The following GLI3 variants were observed in gnomAD, a reference collection of about 807,000 sequenced individuals.
The protein encoded by GLI3 is GLI family zinc finger 3, also known as transcription activator GLI3.
GLI3 carries 20 observed loss-of-function variants against 100.8 expected under a neutral mutation model. The observed-to-expected ratio is 0.20, with a 90% CI of 0.14 to 0.29. The LOEUF is 0.29. Ranked by LOEUF, GLI3 falls within the 10% of genes least tolerant of loss-of-function variation. The pLI is 1.00. For synonymous variants in GLI3, 938 were observed against 860.5 expected, an observed-to-expected ratio of 1.09 and a Z score of -1.58; for missense variants, 2,040 against 2,128.5, an observed-to-expected ratio of 0.96 and a Z score of 0.82.
At chr7:42,067,583 T>G (rs1289606637) in intron 4 of GLI3, among the ~76,000 whole-genome samples, 3 of 152,150 alleles carry the variant, frequency 2.0e-5, no homozygotes, top group Non-Finnish European at 4.4e-5. Flanking sequence ...GTGTAACTTG[T>G]TCCCAGGTTT....
At chr7:42,082,844 G>A (rs1442386671) in intron 3 of GLI3, among the ~76,000 whole-genome samples, 2 of 152,034 alleles carry the variant, frequency 1.3e-5, no homozygotes, top group African/African-American at 4.8e-5. Context: ...TGCTATAGGA[G>A]GAAACTGCAA....
intron 2 of GLI3, among the ~76,000 whole-genome samples, chr7:42,212,719 T>C (rs1788294688): frequency 6.6e-6 from 1 of 152,200 alleles, no homozygotes; most frequent in Non-Finnish European, 1.5e-5. Flanking sequence ...ATCAGTGACA[T>C]CATTAGCGCC....
At chr7:42,063,536 C>A (rs1412107706) in intron 4 of GLI3, among the ~76,000 whole-genome samples, 1 of 152,098 alleles carries the variant, frequency 6.6e-6, no homozygotes, top group Non-Finnish European at 1.5e-5. Flanking sequence ...TTAAAAGATA[C>A]CTGGAACTTC....
rs2128702746 is a variant in GLI3, at chr7:42,223,300, A to G, written c.-42-5T>C. 6.4e-7 allele frequency: 1 copy of G among 1,570,502 alleles called. No homozygotes were observed. Among genetic ancestry groups the G allele is most frequent in the East Asian group, 2.2e-5 (1 of 44,512 alleles). ...CTCTCTTCGACCAAAAATGCCCTAAAGAAAACAACAGAGCCATCAACTTTC... is the reference window on the plus strand; with the variant it reads ...CTCTCTTCGACCAAAAATGCCCTAAGGAAAACAACAGAGCCATCAACTTTC... On this transcript the variant is annotated splice_polypyrimidine_tract_variant and splice_region_variant and intron_variant, in intron 1 of 14. Coordinates refer to ENST00000395925, the MANE Select transcript of GLI3 (RefSeq NM_000168.6).
At chr7:42,040,828 T>C (rs1376085328) in intron 6 of GLI3, among the ~76,000 whole-genome samples, 1 of 152,182 alleles carries the variant, frequency 6.6e-6, no homozygotes, top group Non-Finnish European at 1.5e-5. Flanking sequence ...GAGAGCAATT[T>C]TGCCCCCCAA....
intron 10 of GLI3, among the ~76,000 whole-genome samples, chr7:41,982,252 T>A (rs1293537960): frequency 6.6e-6 from 1 of 152,172 alleles, no homozygotes; most frequent in Non-Finnish European, 1.5e-5. Context: ...GCACAGAGGA[T>A]GTAATCAATT....
Position 41,966,326 on chromosome 7 carries a change from G to C in GLI3, c.2747C>G (p.Pro916Arg), listed in dbSNP as rs753292934. ...SSEASQSDGL[P>R]SLLSLTPAQQ... ...GGCGGGCGTGAGGCTGAGCAGGCTG[G>C]GCAGGCCGTCGCTCTGGCTGGCTTC... The change falls in exon 15 of 15, where the codon CCC (proline) becomes CGC (arginine). Residue 916 changes from proline to arginine, a missense_variant. Coordinates refer to ENST00000395925, the MANE Select transcript of GLI3 (RefSeq NM_000168.6). This position sits in a 1 kb window ranked among gnomAD's most constrained non-coding sequence, Gnocchi z 5.8. The C allele has an allele frequency of 6.2e-7, 1 of 1,607,714 alleles. No individual in the cohort carries two copies. The highest frequency in any genetic ancestry group is 8.5e-7 in the Non-Finnish European group (1 of 1,179,196).
chr7:42,124,289 G>A (rs1786073867), intron 3 of GLI3, among the ~76,000 whole-genome samples: 1 of 152,198 alleles, frequency 6.6e-6, no homozygotes, highest in Non-Finnish European at 1.5e-5. Flanking sequence ...ACTGACTACA[G>A]GAGCTTAGCT....
At chr7:42,140,466 G>GC (rs977222980) in intron 3 of GLI3, among the ~76,000 whole-genome samples, 1 of 152,058 alleles carries the variant, frequency 6.6e-6, no homozygotes, top group Non-Finnish European at 1.5e-5. Context: ...GAAAAGCCTG[G>GC]CCCCCCTCAA....
intron 3 of GLI3, among the ~76,000 whole-genome samples, chr7:42,080,851 C>T (rs1784982618): frequency 6.6e-6 from 1 of 152,142 alleles, no homozygotes; most frequent in South Asian, 2.1e-4. Context: ...TCCAAGAAAA[C>T]CCACATGACG....
intron 1 of GLI3, among the ~76,000 whole-genome samples, chr7:42,225,423 G>A (rs1342428522): frequency 2.0e-5 from 3 of 152,150 alleles, no homozygotes; most frequent in Non-Finnish European, 2.9e-5. Flanking sequence ...GCAATGGCGT[G>A]ATCTCAGCTC....
chr7:42,014,250 C>T (rs1271953753), intron 10 of GLI3, among the ~76,000 whole-genome samples: 1 of 152,160 alleles, frequency 6.6e-6, no homozygotes, highest in Non-Finnish European at 1.5e-5. Flanking sequence ...AAGTCAGACT[C>T]CTAGTCTAGC....
At chr7:42,051,222 G>A (rs886974318) in intron 4 of GLI3, among the ~76,000 whole-genome samples, 3 of 152,192 alleles carry the variant, frequency 2.0e-5, no homozygotes, top group Non-Finnish European at 4.4e-5. Context: ...AGGTGCATCA[G>A]GCAGTCATAA....
chr7:42,183,752 C>T (rs577598820), intron 2 of GLI3, among the ~76,000 whole-genome samples: 110 of 152,336 alleles, frequency 7.2e-4, no homozygotes, highest in African/African-American at 1.8e-3. Flanking sequence ...CTCTCCACAA[C>T]ATAGGCTGAG....
intron 2 of GLI3, among the ~76,000 whole-genome samples, chr7:42,156,746 G>A (rs972425442): frequency 3.3e-5 from 5 of 152,180 alleles, no homozygotes; most frequent in Admixed American, 6.5e-5. Flanking sequence ...TTAAAGGCAC[G>A]AAGGAATAAA....
chr7:42,225,601 T>C (rs1269612344), intron 1 of GLI3, among the ~76,000 whole-genome samples: 2 of 152,222 alleles, frequency 1.3e-5, no homozygotes, highest in African/African-American at 4.8e-5. Context: ...CCTCAGGTGA[T>C]CCACCCGCCT....
chr7:42,129,795 C>G (rs846382), intron 3 of GLI3, among the ~76,000 whole-genome samples: 39,889 of 151,862 alleles, frequency 0.26, 5,438 homozygotes, highest in Admixed American at 0.36. Context: ...GGGCGACAGA[C>G]CGAGACTCCA....
chr7:42,183,079 C>G (rs1010659036), intron 2 of GLI3, among the ~76,000 whole-genome samples: 1 of 151,892 alleles, frequency 6.6e-6, no homozygotes, highest in African/African-American at 2.4e-5. Flanking sequence ...AAAAAATAAG[C>G]CTGGCATGGT....
At chr7:42,187,510 T>A (rs181080883) in intron 2 of GLI3, among the ~76,000 whole-genome samples, 1 of 152,264 alleles carries the variant, frequency 6.6e-6, no homozygotes, top group East Asian at 1.9e-4. Flanking sequence ...ATTTTCATTA[T>A]TTTTTAAAGC....
Sources: allele counts gnomAD v4.1 joint callset (sites outside exome capture counted in the v4.1 genomes callset), GRCh38; gene constraint gnomAD v4.1.1; non-coding constraint Gnocchi (gnomAD v3.1); transcripts MANE v1.5; gene names NCBI Gene and HGNC (gene_info 2026-07-23, HGNC 2026-07-21).